The following NUFIP1 variants were observed in gnomAD, a reference collection of about 807,000 sequenced individuals.
NUFIP1 encodes the protein FMR1-interacting protein NUFIP1.
NUFIP1 carries 38 observed loss-of-function variants against 56.2 expected under a neutral mutation model. The ratio of observed to expected loss-of-function variants is 0.68; its 90% CI spans 0.52 to 0.89. The LOEUF is 0.89. NUFIP1 is among the 40% of genes least tolerant of loss of function. NUFIP1 has a pLI of 0.00. For missense variants in NUFIP1, 567 were observed against 605.8 expected, an observed-to-expected ratio of 0.94 and a Z score of 0.67; for synonymous variants, 215 against 212.4, an observed-to-expected ratio of 1.01 and a Z score of -0.10.
chr13:44,943,576 T>C lies in NUFIP1; in HGVS notation c.1237A>G (p.Arg413Gly), dbSNP rs1466925862. The C allele has an allele frequency of 4.3e-6, 7 of 1,614,088 alleles. No homozygotes were observed. The highest frequency in any genetic ancestry group is 5.9e-6 in the Non-Finnish European group (7 of 1,180,020). Residue 413 changes from arginine (R) to glycine (G), a missense_variant, in exon 9 of 10, where the codon AGA becomes GGA. Transcript: ENST00000379161. ...TCACTCTTGGCTTCTGAAAAATTTC[T>C]AACAGTTGCTTTAACATCTTGACTT... is the stretch of plus-strand genomic sequence containing the variant. ...SPSQDVKATV[R>G]NFSEAKSENR...
At chr13:44,986,392 T>C (rs1872392316) in intron 1 of NUFIP1, among the ~76,000 whole-genome samples, 2 of 152,066 alleles carry the variant, frequency 1.3e-5, no homozygotes, top group African/African-American at 4.8e-5. Flanking sequence ...GCAAGAGAAC[T>C]ACAATTAGAA....
At chr13:44,982,833 C>T (rs2137926008) in intron 1 of NUFIP1, among the ~76,000 whole-genome samples, 1 of 152,154 alleles carries the variant, frequency 6.6e-6, no homozygotes, top group Admixed American at 6.5e-5. Flanking sequence ...CTCACATGAC[C>T]CCATCTCTAC....
At chr13:44,956,346 G>A (rs757225712) in intron 7 of NUFIP1, among the ~76,000 whole-genome samples, 23 of 151,992 alleles carry the variant, frequency 1.5e-4, no homozygotes, top group South Asian at 2.1e-4. Flanking sequence ...CTAAAACAAC[G>A]GTCCCCAGCC....
intron 6 of NUFIP1, among the ~76,000 whole-genome samples, chr13:44,962,382 G>C (rs1195280293): frequency 6.6e-6 from 1 of 152,106 alleles, no homozygotes; most frequent in Non-Finnish European, 1.5e-5. Context: ...CTGTTTGTGG[G>C]CTCTATTCTG....
intron 5 of NUFIP1, among the ~76,000 whole-genome samples, chr13:44,971,269 C>T (rs1454762131): frequency 3.3e-5 from 5 of 152,146 alleles, no homozygotes; most frequent in Non-Finnish European, 7.3e-5. Context: ...ATCTTCACCC[C>T]ATTTCCTCAT....
At chr13:44,976,473 T>C (rs1566063528) in intron 5 of NUFIP1, among the ~76,000 whole-genome samples, 2 of 150,238 alleles carry the variant, frequency 1.3e-5, no homozygotes, top group South Asian at 2.1e-4. Context: ...AAAAGAAGAA[T>C]AACAACAACA....
intron 5 of NUFIP1, among the ~76,000 whole-genome samples, chr13:44,969,309 T>C (rs1469372259): frequency 6.6e-6 from 1 of 151,622 alleles, no homozygotes; most frequent in Admixed American, 6.6e-5. Context: ...GAAGCCCCAC[T>C]CCACCAACAT....
rs1216967312 is a variant in NUFIP1, at chr13:44,980,720, A to G, written c.594+2T>C. 1 of 1,584,468 alleles carries G rather than the reference A, an allele frequency of 6.3e-7. No individual in the cohort carries two copies. On this transcript the variant is annotated splice_donor_variant, in intron 3 of 9. Coordinates refer to ENST00000379161, the MANE Select transcript of NUFIP1 (RefSeq NM_012345.3). LOFTEE classifies it high-confidence loss of function. ...AGTTTCAGGACAACTAAGAAAACCT[A>G]CTTTTGTATGTTCAGACATGTGTTT... is the stretch of plus-strand genomic sequence containing the variant.
At chr13:44,946,998 C>T (rs1277078013) in intron 8 of NUFIP1, among the ~76,000 whole-genome samples, 2 of 152,044 alleles carry the variant, frequency 1.3e-5, no homozygotes, top group African/African-American at 4.8e-5. Context: ...TTCCTTAAAG[C>T]AGGACATTTT....
In NUFIP1 at chr13:44,941,253, C is replaced by A. The variant is rs762857622; in HGVS notation, c.1441G>T (p.Asp481Tyr). 2.5e-6 allele frequency: 4 copies of A among 1,611,974 alleles called. No individual in the cohort carries two copies. The highest frequency in any genetic ancestry group is 1.1e-5 in the South Asian group (1 of 90,616). Residue 481 changes from aspartate (D) to tyrosine (Y), a missense_variant, in exon 10 of 10, where the codon GAC (aspartate) becomes TAC (tyrosine). By Grantham distance (160) the Asp-to-Tyr change is radical. Coordinates refer to ENST00000379161, the MANE Select transcript of NUFIP1 (RefSeq NM_012345.3). Reference sequence around the variant, plus strand: ...GAATTAGTATCCAGTCCAAAAAAGTCTTTTTTGATGATGTACCGAACACAC... The same window carrying A: ...GAATTAGTATCCAGTCCAAAAAAGTATTTTTTGATGATGTACCGAACACAC... ...LQCVRYIIKK[D>Y]FFGLDTNSAK...
chr13:44,986,339 C>G (rs981036233), intron 1 of NUFIP1, among the ~76,000 whole-genome samples: 1 of 152,104 alleles, frequency 6.6e-6, no homozygotes, highest in Admixed American at 6.5e-5. Flanking sequence ...TTGAGGAATT[C>G]AAGACTTCAG....
At chr13:44,983,276 A>G (rs913949335) in intron 1 of NUFIP1, among the ~76,000 whole-genome samples, 1 of 152,098 alleles carries the variant, frequency 6.6e-6, no homozygotes, top group Non-Finnish European at 1.5e-5. Context: ...CCCAGGTTCA[A>G]GCGATTCTCC....
At chr13:44,943,307 T>C (rs1419630135) in intron 9 of NUFIP1, 135 bp downstream of exon 9, 3 of 688,576 alleles carry the variant, frequency 4.4e-6, no homozygotes, top group Non-Finnish European at 2.5e-6. Flanking sequence ...AGAATTAAGA[T>C]ACAAAGTCTC....
chr13:44,982,733 G>A (rs1198439425), intron 1 of NUFIP1, among the ~76,000 whole-genome samples: 2 of 151,996 alleles, frequency 1.3e-5, no homozygotes, highest in African/African-American at 4.8e-5. Context: ...TGGACCAGGC[G>A]TGGTGGCTCA....
intron 6 of NUFIP1, among the ~76,000 whole-genome samples, chr13:44,962,851 TTG>T (rs1195724288): frequency 6.6e-6 from 1 of 152,234 alleles, no homozygotes; most frequent in Non-Finnish European, 1.5e-5. Context: ...ATACTTAGCA[TTG>T]TGTTACAACT....
chr13:44,947,234 CTTTTTTT>C (rs899115570), intron 8 of NUFIP1, among the ~76,000 whole-genome samples: 6 of 124,314 alleles, frequency 4.8e-5, no homozygotes, highest in Non-Finnish European at 8.5e-5. Context: ...AAGCTTATTC[CTTTTTTT>C]TTTTTTTTTT....
At chr13:44,945,701 T>A (rs1355922123) in intron 8 of NUFIP1, among the ~76,000 whole-genome samples, 1 of 152,012 alleles carries the variant, frequency 6.6e-6, no homozygotes, top group Non-Finnish European at 1.5e-5. Context: ...ATTAACAGAA[T>A]AAAGGAGAAA....
intron 6 of NUFIP1, among the ~76,000 whole-genome samples, chr13:44,965,128 C>G (rs945130628): frequency 6.6e-6 from 1 of 152,142 alleles, no homozygotes. Context: ...TCCTGTGATA[C>G]TGAGTGAATG....
At chr13:44,962,667 T>C (rs1442290198) in intron 6 of NUFIP1, among the ~76,000 whole-genome samples, 1 of 152,242 alleles carries the variant, frequency 6.6e-6, no homozygotes, top group Non-Finnish European at 1.5e-5. Context: ...ATGTCTACAG[T>C]AATGTATAGC....
Sources: allele counts gnomAD v4.1 joint callset (sites outside exome capture counted in the v4.1 genomes callset), GRCh38; gene constraint gnomAD v4.1.1; transcripts MANE v1.5; gene names NCBI Gene and HGNC (gene_info 2026-07-23, HGNC 2026-07-21).